The following IVNS1ABP variants were observed in gnomAD, a reference collection of about 807,000 sequenced individuals.
IVNS1ABP encodes influenza virus NS1A-binding protein.
A neutral mutation model predicts 78.9 loss-of-function variants in IVNS1ABP; 25 were observed. The observed-to-expected ratio is 0.32, with a 90% CI of 0.23 to 0.44. The LOEUF (loss-of-function observed/expected upper bound fraction) is 0.44, where lower values mean the gene tolerates loss of function less well. Among genes scored for constraint, IVNS1ABP ranks in the 20% least tolerant of loss-of-function variants. IVNS1ABP has a pLI of 1.00. For missense variants in IVNS1ABP, 494 were observed against 768.9 expected (o/e 0.64, Z 4.23); for synonymous variants, 241 against 259.7 (o/e 0.93, Z 0.69).
Position 185,297,756 on chromosome 1 carries a change from T to A in IVNS1ABP, c.*279A>T. The A allele has an allele frequency of 2.4e-6, 1 of 420,364 alleles. No individual in the cohort carries two copies. Among genetic ancestry groups the A allele is most frequent in the Non-Finnish European group, 4.2e-6 (1 of 235,390 alleles). 26.0% of individuals were successfully genotyped at this position (420,364 alleles called of 1,614,324 possible). ...AAAACAAATGTGGAGGAGAGGGGAC[T>A]TCTTGAAATGATGTGCCCAATCAAT... On this transcript the variant is annotated 3_prime_UTR_variant, in exon 15 of 15. Coordinates refer to ENST00000367498, the MANE Select transcript of IVNS1ABP (RefSeq NM_006469.5).
At position 185,300,298 on chromosome 1, in the gene IVNS1ABP, G is replaced by A. The variant is rs776505239; in HGVS notation, c.1288C>T (p.Leu430=). 5 of 1,613,298 alleles carry A rather than the reference G, an allele frequency of 3.1e-6. No individual in the cohort carries two copies. Among genetic ancestry groups the A allele is most frequent in the Non-Finnish European group, 4.2e-6 (5 of 1,179,722 alleles). ...VGGSNGHSDD[L]SCGEMYDSNI... Reference sequence around the variant, plus strand: ...GAATCATACATCTCTCCACAACTCAGGTCATCTGAGTGGCCATTTGATCCA... The same window carrying A: ...GAATCATACATCTCTCCACAACTCAAGTCATCTGAGTGGCCATTTGATCCA... Residue 430 remains leucine, a synonymous_variant, in exon 12 of 15, where the codon CTG becomes TTG. Transcript: ENST00000367498.
At position 185,309,114 on chromosome 1, in the gene IVNS1ABP, A is replaced by C; in HGVS notation, c.170T>G (p.Leu57Ter). Residue 57 changes from leucine to a stop codon, truncating the protein, a stop_gained, in exon 4 of 15, where the codon TTA becomes TGA. Transcript: ENST00000367498. LOFTEE classifies it high-confidence loss of function. The part of the protein sequence containing the change: ...RAVLACCSPY[L>*]FEIFNSDSDP... ...ACTATCACTATTAAAGATTTCAAAT[A>C]AATAGGGACTGCAGCAAGCTAGCAC... The C allele has an allele frequency of 6.2e-7, 1 of 1,612,638 alleles. No individual in the cohort carries two copies. The highest frequency in any genetic ancestry group is 8.5e-7 in the Non-Finnish European group (1 of 1,179,026).
In IVNS1ABP at chr1:185,297,690, G is replaced by A. The variant is rs1474238206; in HGVS notation, c.*345C>T. 3.4e-6 allele frequency: 1 copy of A among 291,662 alleles called. No homozygotes were observed. Among genetic ancestry groups the A allele is most frequent in the Non-Finnish European group, 6.4e-6 (1 of 155,330 alleles). The allele number at this position is 291,662 out of a possible 1,614,324, so 18.1% of individuals were successfully genotyped here. A position where few individuals can be genotyped will look rare whatever the true frequency, so the allele number is the denominator to read the frequency against. On this transcript the variant is annotated 3_prime_UTR_variant, in exon 15 of 15. Coordinates refer to ENST00000367498, the MANE Select transcript of IVNS1ABP (RefSeq NM_006469.5). ...TAAACCCTACCCCTTTTACCCCATA[G>A]TACACATTTGAGGGAAGAGTCATTT...
chr1:185,299,204 A>G, intron 14 of IVNS1ABP: 1 of 159,794 alleles, frequency 6.3e-6, no homozygotes, highest in Non-Finnish European at 1.4e-5. Flanking sequence ...TTAAATTATG[A>G]TTATATAATT....
In IVNS1ABP at chr1:185,307,724, G is replaced by A. The variant is rs374243691; in HGVS notation, c.358-62C>T. 6.0e-5 allele frequency: 90 copies of A among 1,494,628 alleles called. 1 individual carries two copies. In the East Asian group the frequency reaches 1.3e-3, roughly 22 times the overall value. The allele number at this position is 1,494,628 out of a possible 1,614,324, so 92.6% of individuals were successfully genotyped here. On this transcript the variant is annotated intron_variant, in intron 5 of 14. Transcript: ENST00000367498. ...ATCTTTTATTCAACAAATATTTAAT[G>A]TTCAGTGTGGTAAAGACTATGTGAA...
At chr1:185,304,175 G>T (rs548322388) in intron 8 of IVNS1ABP, among the ~76,000 whole-genome samples, 1 of 151,850 alleles carries the variant, frequency 6.6e-6, no homozygotes, top group Non-Finnish European at 1.5e-5. Flanking sequence ...TAGGCCTTTC[G>T]TAGCTACCTC....
chr1:185,315,523 C>T (rs181705941), intron 1 of IVNS1ABP, among the ~76,000 whole-genome samples: 1 of 152,272 alleles, frequency 6.6e-6, no homozygotes, highest in African/African-American at 2.4e-5. Context: ...GCTCAAGTTC[C>T]GTTTACCTCT....
intron 8 of IVNS1ABP, 149 bp from the exon 9 acceptor site, chr1:185,301,712 A>G (rs1665605290): frequency 1.4e-6 from 1 of 727,316 alleles, no homozygotes; most frequent in Non-Finnish European, 2.2e-6. Flanking sequence ...ACACTTTCCA[A>G]ATGACACAAA....
In IVNS1ABP at chr1:185,305,792, A is replaced by G; in HGVS notation, c.658-149T>C. 1 of 781,198 alleles carries G rather than the reference A, an allele frequency of 1.3e-6. No individual in the cohort carries two copies. The highest frequency in any genetic ancestry group is 2.7e-5 in the South Asian group (1 of 36,786). 48.4% of individuals were successfully genotyped at this position (781,198 alleles called of 1,614,324 possible). A position where few individuals can be genotyped will look rare whatever the true frequency, so the allele number is the denominator to read the frequency against. On this transcript the variant is annotated intron_variant, in intron 7 of 14. Coordinates refer to ENST00000367498, the MANE Select transcript of IVNS1ABP (RefSeq NM_006469.5). This position sits in a 1 kb window ranked among gnomAD's most constrained non-coding sequence, Gnocchi z 4.0. ...TCTGGCAGGATCCGGAGGTAAAGAA[A>G]AATACATGTCATGGTGGTAAAAATT...
chr1:185,316,944 G>C lies in IVNS1ABP; in HGVS notation c.-247+9C>G, dbSNP rs1407105206. On this transcript the variant is annotated intron_variant, in intron 1 of 14. Transcript: ENST00000367498. ...CTCATCTGTCGTTCGTAGAACCAGCGCGTATTACCTGGTTCATCTCTGAAG... is the reference window on the plus strand; with the variant it reads ...CTCATCTGTCGTTCGTAGAACCAGCCCGTATTACCTGGTTCATCTCTGAAG... 1 of 398,342 alleles carries C rather than the reference G, an allele frequency of 2.5e-6. No homozygotes were observed. Among genetic ancestry groups the C allele is most frequent in the Non-Finnish European group, 4.4e-6 (1 of 226,032 alleles). 24.7% of individuals were successfully genotyped at this position (398,342 alleles called of 1,614,324 possible). A position where few individuals can be genotyped will look rare whatever the true frequency, so the allele number is the denominator to read the frequency against.
At chr1:185,306,543 G>A in intron 7 of IVNS1ABP, 6 of 1,288,206 alleles carry the variant, frequency 4.7e-6, no homozygotes, top group Non-Finnish European at 6.1e-6. Flanking sequence ...ACTGGGGCAG[G>A]ACTGCTGCTT....
intron 1 of IVNS1ABP, among the ~76,000 whole-genome samples, chr1:185,315,181 CTTAG>C (rs1177723832): frequency 2.0e-5 from 3 of 152,188 alleles, no homozygotes; most frequent in Non-Finnish European, 4.4e-5. Context: ...AAATGACTTA[CTTAG>C]TGTTACTTCA....
At position 185,298,697 on chromosome 1, in the gene IVNS1ABP, A is replaced by G; in HGVS notation, c.1676-409T>C. 1 of 191,106 alleles carries G rather than the reference A, an allele frequency of 5.2e-6. No individual in the cohort carries two copies. The highest frequency in any genetic ancestry group is 1.1e-5 in the Non-Finnish European group (1 of 91,578). 11.8% of individuals were successfully genotyped at this position (191,106 alleles called of 1,614,324 possible). The stretch of plus-strand genomic sequence containing the variant: ...GTGCACTGGACTTTATATCAGCCCA[A>G]TGTACAGAATTAAGACTCAGAAGAG... On this transcript the variant is annotated intron_variant, in intron 14 of 14. Transcript: ENST00000367498. The surrounding 1 kb of genome is among the most constrained non-coding windows in gnomAD (Gnocchi z 4.1).
chr1:185,299,929 C>CT (rs745878889), intron 13 of IVNS1ABP, 46 bp from the exon 14 acceptor site: 89 of 1,610,996 alleles, frequency 5.5e-5, no homozygotes, highest in Admixed American at 4.7e-4. Context: ...CTCCCAGACT[C>CT]TAAGTGTATA....
chr1:185,300,613 G>A (rs760496710), intron 10 of IVNS1ABP, 55 bp from the exon 11 acceptor site: 43 of 1,559,252 alleles, frequency 2.8e-5, no homozygotes, highest in Admixed American at 2.6e-4. Flanking sequence ...ACTGGACCAC[G>A]GTTTCCAGTC....
At chr1:185,308,764 C>G in intron 5 of IVNS1ABP, 36 bp downstream of exon 5, 2 of 1,450,218 alleles carry the variant, frequency 1.4e-6, no homozygotes, top group Non-Finnish European at 1.9e-6. Flanking sequence ...CAAAATAAGA[C>G]TCCATAAATG....
chr1:185,309,610 A>G, intron 2 of IVNS1ABP, 99 bp from the exon 3 acceptor site: 1 of 669,444 alleles, frequency 1.5e-6, no homozygotes, highest in Non-Finnish European at 2.6e-6. Flanking sequence ...CTCAAATTCC[A>G]TCCTATAAAC....
chr1:185,311,176 AGG>A lies in IVNS1ABP; in HGVS notation c.-102_-101del. 1 of 387,812 alleles carries A rather than the reference AGG, an allele frequency of 2.6e-6. No homozygotes were observed. Among genetic ancestry groups the A allele is most frequent in the Non-Finnish European group, 4.6e-6 (1 of 218,758 alleles). 24.0% of individuals were successfully genotyped at this position (387,812 alleles called of 1,614,324 possible). On this transcript the variant is annotated 5_prime_UTR_variant, in exon 2 of 15. Transcript: ENST00000367498. ...GGAGTGTTAAAAGGTGCACTTCGTC[AGG>A]GTATGAAGACAGGTGGTTGAAATGA...
intron 1 of IVNS1ABP, among the ~76,000 whole-genome samples, chr1:185,311,615 T>A (rs973434347): frequency 2.6e-5 from 4 of 151,968 alleles, no homozygotes; most frequent in Middle Eastern, 7.0e-3. Context: ...ACAAAACAAA[T>A]GTCAATACTG....
Sources: gnomAD v4.1 joint callset for allele counts (sites outside exome capture counted in the v4.1 genomes callset) on GRCh38, gnomAD v4.1.1 for gene constraint, Gnocchi (gnomAD v3.1) non-coding constraint, MANE v1.5 for transcripts, NCBI Gene and HGNC (gene_info 2026-07-23, HGNC 2026-07-21) for gene names.